The following MPP7 variants were observed in gnomAD, a reference collection of about 807,000 sequenced individuals.
MPP7 encodes MAGUK p55 subfamily member 7.
A neutral mutation model predicts 76.5 loss-of-function variants in MPP7; 60 were observed. That is an observed-to-expected ratio of 0.78 (90% CI 0.64 to 0.97). The LOEUF (loss-of-function observed/expected upper bound fraction) is 0.97. MPP7 is among the 50% of genes least tolerant of loss of function. The pLI is 0.00. For missense variants in MPP7, 641 were observed against 694.0 expected, an observed-to-expected ratio of 0.92 and a Z score of 0.86; for synonymous variants, 237 against 244.5, an observed-to-expected ratio of 0.97 and a Z score of 0.29.
intron 2 of MPP7, among the ~76,000 whole-genome samples, chr10:28,230,871 T>C (rs933807074): frequency 6.6e-6 from 1 of 152,076 alleles, no homozygotes; most frequent in Non-Finnish European, 1.5e-5. Context: ...GATAAATCCA[T>C]AATCGCTGAG....
intron 3 of MPP7, among the ~76,000 whole-genome samples, chr10:28,152,222 C>T (rs868660615): frequency 4.6e-5 from 7 of 152,206 alleles, no homozygotes; most frequent in Middle Eastern, 3.4e-3. Flanking sequence ...ATAGAGTATC[C>T]CACCCCTAGC....
intron 12 of MPP7, 47 bp from the exon 13 acceptor site, chr10:28,069,899 T>A (rs759113123): frequency 7.8e-6 from 11 of 1,408,026 alleles, no homozygotes; most frequent in Middle Eastern, 1.8e-4. Context: ...AAACACCACA[T>A]AAACATTTCT....
At chr10:28,122,420 T>C (rs1157328102) in intron 8 of MPP7, among the ~76,000 whole-genome samples, 1 of 152,254 alleles carries the variant, frequency 6.6e-6, no homozygotes, top group East Asian at 1.9e-4. Context: ...TACCAAATTA[T>C]TGCTTGAGGA....
chr10:28,124,117 C>T lies in MPP7; in HGVS notation c.530-1G>A. On this transcript the variant is annotated splice_acceptor_variant, in intron 7 of 16. Coordinates refer to ENST00000683449, the MANE Select transcript of MPP7 (RefSeq NM_001318170.2). LOFTEE classifies it high-confidence loss of function. ...AGTTCATCACCAACATGAATAAGAC[C>T]TGAGAAATAGGAGATTTGGTAAATT... 1 of 1,601,272 alleles carries T rather than the reference C, an allele frequency of 6.2e-7. No homozygotes were observed. Among genetic ancestry groups the T allele is most frequent in the Non-Finnish European group, 8.6e-7 (1 of 1,168,648 alleles).
At chr10:28,195,953 TCAA>T (rs1400562698) in intron 3 of MPP7, among the ~76,000 whole-genome samples, 2 of 152,200 alleles carry the variant, frequency 1.3e-5, no homozygotes, top group African/African-American at 4.8e-5. Context: ...ATTATATAGC[TCAA>T]CAAATCTGTT....
At chr10:28,298,659 A>T (rs1254649218) in intron 1 of MPP7, among the ~76,000 whole-genome samples, 1 of 152,246 alleles carries the variant, frequency 6.6e-6, no homozygotes, top group Non-Finnish European at 1.5e-5. Context: ...AGCTCCAAAC[A>T]AAAGAGTCAG....
At chr10:28,176,766 C>T (rs977309519) in intron 3 of MPP7, among the ~76,000 whole-genome samples, 2 of 150,572 alleles carry the variant, frequency 1.3e-5, no homozygotes, top group Non-Finnish European at 2.9e-5. Context: ...TCTGAGCAAA[C>T]TTTCGCAAGG....
intron 2 of MPP7, among the ~76,000 whole-genome samples, chr10:28,310,128 A>G (rs1270230644): frequency 6.6e-6 from 1 of 150,928 alleles, no homozygotes; most frequent in Non-Finnish European, 1.5e-5. Context: ...CAGCCTCCCA[A>G]GTAGCTAGGA....
intron 3 of MPP7, among the ~76,000 whole-genome samples, chr10:28,159,884 A>G (rs761238770): frequency 3.3e-5 from 5 of 152,152 alleles, no homozygotes; most frequent in Non-Finnish European, 7.3e-5. Context: ...AGTTATGCAG[A>G]TTTTCCAAAC....
chr10:28,071,389 A>G (rs1014180074), intron 12 of MPP7, among the ~76,000 whole-genome samples: 2 of 152,138 alleles, frequency 1.3e-5, no homozygotes, highest in Admixed American at 6.5e-5. Context: ...TAGGTCCCTG[A>G]CCCTTGTATA....
chr10:28,280,613 T>TA (rs1366260932), intron 1 of MPP7, among the ~76,000 whole-genome samples: 19 of 151,720 alleles, frequency 1.3e-4, no homozygotes, highest in African/African-American at 2.7e-4. Flanking sequence ...GGCTTAGGCA[T>TA]AAAAAAAATG....
intron 1 of MPP7, among the ~76,000 whole-genome samples, chr10:28,248,526 C>T (rs1226393500): frequency 1.3e-5 from 2 of 152,160 alleles, no homozygotes; most frequent in Admixed American, 6.5e-5. Context: ...TCACACCTTC[C>T]TAATTCCACT....
At chr10:28,163,707 G>A (rs1836342965) in intron 3 of MPP7, among the ~76,000 whole-genome samples, 1 of 152,072 alleles carries the variant, frequency 6.6e-6, no homozygotes, top group Non-Finnish European at 1.5e-5. Flanking sequence ...CAGCACTTTG[G>A]GTGACCGAGG....
Position 28,271,678 on chromosome 10 carries a change from T to A in MPP7, c.-132+31183A>T, listed in dbSNP as rs1840330096. ...CCTTAACATGCAGTCTAAGGGCAAT[T>A]AAAATTCTTCTGTGAGGCCTGGGGC... On this transcript the variant is annotated intron_variant, in intron 1 of 16. Coordinates refer to ENST00000683449, the MANE Select transcript of MPP7 (RefSeq NM_001318170.2). Among the ~76,000 whole-genome samples, 3 of 152,128 alleles carry A rather than the reference T, an allele frequency of 2.0e-5. No homozygotes were observed. The South Asian group carries it at 6.2e-4, about 31-fold the overall frequency.
At chr10:28,060,146 GA>G (rs1365769834) in intron 13 of MPP7, among the ~76,000 whole-genome samples, 2 of 150,604 alleles carry the variant, frequency 1.3e-5, no homozygotes, top group Non-Finnish European at 2.9e-5. Flanking sequence ...GATAAACTCT[GA>G]AACTGTTTGA....
At chr10:28,101,886 T>C (rs926537959) in intron 11 of MPP7, among the ~76,000 whole-genome samples, 2 of 151,858 alleles carry the variant, frequency 1.3e-5, no homozygotes, top group African/African-American at 4.8e-5. Context: ...CATACTGTTC[T>C]GAAAGACCAA....
At chr10:28,188,223 T>C (rs2133935544) in intron 3 of MPP7, among the ~76,000 whole-genome samples, 1 of 152,312 alleles carries the variant, frequency 6.6e-6, no homozygotes. Context: ...GTGACTAATA[T>C]GCCCGCGACT....
chr10:28,159,356 T>C (rs1438532127), intron 3 of MPP7, among the ~76,000 whole-genome samples: 1 of 152,204 alleles, frequency 6.6e-6, no homozygotes, highest in Non-Finnish European at 1.5e-5. Flanking sequence ...TAATTTGTAA[T>C]ACTGAAAATA....
intron 2 of MPP7, among the ~76,000 whole-genome samples, chr10:28,225,860 T>G (rs971102128): frequency 5.9e-5 from 9 of 152,206 alleles, no homozygotes; most frequent in African/African-American, 2.2e-4. Context: ...TTAAACCCAG[T>G]GACTTGGCTA....
Sources: gnomAD v4.1 joint callset for allele counts (sites outside exome capture counted in the v4.1 genomes callset) on GRCh38, gnomAD v4.1.1 for gene constraint, MANE v1.5 for transcripts, NCBI Gene and HGNC (gene_info 2026-07-23, HGNC 2026-07-21) for gene names.